P2RY14: variants seen among roughly 807,000 people sequenced by gnomAD.
The protein encoded by P2RY14 is purinergic receptor P2Y14.
A neutral mutation model predicts 0.9 loss-of-function variants in P2RY14; 2 were observed. The observed-to-expected ratio is 2.16, with a 90% CI of 0.88 to 6.79. The LOEUF (loss-of-function observed/expected upper bound fraction) is 6.79, where lower values mean the gene tolerates loss of function less well. Among genes scored for constraint, P2RY14 ranks in the 30% most tolerant of loss-of-function variants. The pLI is 0.05. For missense variants in P2RY14, 378 were observed against 400.1 expected (o/e 0.94, Z 0.47); for synonymous variants, 158 against 147.2 (o/e 1.07, Z -0.53).
chr3:151,221,498 G>A (rs560788442), intron 1 of P2RY14, among the ~76,000 whole-genome samples: 1 of 152,302 alleles, frequency 6.6e-6, no homozygotes, highest in South Asian at 2.1e-4. Context: ...CCCAGCCCAG[G>A]GTCTCTGTGC....
At chr3:151,269,146 A>G (rs1167817316) in intron 1 of P2RY14, among the ~76,000 whole-genome samples, 1 of 152,200 alleles carries the variant, frequency 6.6e-6, no homozygotes. Context: ...GCGGTGGCTT[A>G]TGCCTATACT....
Position 151,213,358 on chromosome 3 carries a change from A to T in P2RY14, c.959T>A (p.Leu320Gln), listed in dbSNP as rs115868899. The stretch of plus-strand genomic sequence containing the variant: ...TCCTCTTTTGATTCTGGAAATGTCT[A>T]GGTCATTCTGAGCTTTTAATGGAAT... Reference protein sequence around the residue: ...LHIPLKAQNDLDISRIKRGNT... With the variant: ...LHIPLKAQNDQDISRIKRGNT... The change falls in exon 3 of 3, where the codon CTA (leucine) becomes CAA (glutamine). Residue 320 changes from leucine to glutamine, a missense_variant. Leu to Gln is a moderately radical substitution (Grantham distance 113). Transcript: ENST00000309170. 2.5e-6 allele frequency: 4 copies of T among 1,613,808 alleles called. No homozygotes were observed. The South Asian group carries it at 4.4e-5, about 18-fold the overall frequency.
At chr3:151,253,375 A>G (rs995966529) in intron 1 of P2RY14, among the ~76,000 whole-genome samples, 2 of 152,378 alleles carry the variant, frequency 1.3e-5, no homozygotes, top group Non-Finnish European at 1.5e-5. Context: ...CAACAGCAGC[A>G]TAAGATACAC....
chr3:151,216,106 A>C (rs1320397021), intron 2 of P2RY14, among the ~76,000 whole-genome samples: 1 of 152,202 alleles, frequency 6.6e-6, no homozygotes, highest in Non-Finnish European at 1.5e-5. Flanking sequence ...CTCTTCCACT[A>C]CTACAAGCTC....
chr3:151,229,775 T>C (rs1284900421), intron 1 of P2RY14, among the ~76,000 whole-genome samples: 1 of 151,818 alleles, frequency 6.6e-6, no homozygotes, highest in Non-Finnish European at 1.5e-5. Flanking sequence ...AACTGAGCAA[T>C]TCTTAAACGA....
intron 1 of P2RY14, among the ~76,000 whole-genome samples, chr3:151,228,110 A>G (rs1256578512): frequency 6.6e-6 from 1 of 152,164 alleles, no homozygotes; most frequent in Admixed American, 6.5e-5. Context: ...TCTGTATGCT[A>G]AGGTCTAGGA....
Position 151,219,944 on chromosome 3 carries a change from A to C in P2RY14, c.-132-302T>G, listed in dbSNP as rs185578365. Reference sequence around the variant, plus strand: ...ATCGAATCAATTTATCAAATGACTGAATATAACAATTCATCTTAGCCATGA... The same window carrying C: ...ATCGAATCAATTTATCAAATGACTGCATATAACAATTCATCTTAGCCATGA... On this transcript the variant is annotated intron_variant, in intron 1 of 2. Transcript: ENST00000309170. 9.6e-5 allele frequency among the ~76,000 whole-genome samples: 13 copies of C among 136,106 alleles called. No individual in the cohort carries two copies. The East Asian group carries it at 3.2e-3, about 34-fold the overall frequency. 89.3% of individuals were successfully genotyped at this position (136,106 alleles called of 152,430 possible). A position where few individuals can be genotyped will look rare whatever the true frequency, so the allele number is the denominator to read the frequency against.
At chr3:151,254,162 A>G (rs1334273825) in intron 1 of P2RY14, among the ~76,000 whole-genome samples, 6 of 152,160 alleles carry the variant, frequency 3.9e-5, no homozygotes, top group African/African-American at 1.4e-4. Flanking sequence ...ATTTTTAGGT[A>G]TTAGTGCCTG....
At chr3:151,262,275 C>T (rs374058519) in intron 1 of P2RY14, among the ~76,000 whole-genome samples, 3 of 152,202 alleles carry the variant, frequency 2.0e-5, no homozygotes, top group Non-Finnish European at 4.4e-5. Context: ...TTAAGTCACA[C>T]TAGTGATAGT....
chr3:151,271,684 G>A (rs981267874), intron 1 of P2RY14, among the ~76,000 whole-genome samples: 5 of 152,142 alleles, frequency 3.3e-5, no homozygotes, highest in South Asian at 2.1e-4. Context: ...AGGATGATGC[G>A]GGCCCACAAT....
chr3:151,264,839 CTCT>C (rs1221156258), intron 1 of P2RY14, among the ~76,000 whole-genome samples: 1 of 152,174 alleles, frequency 6.6e-6, no homozygotes, highest in Non-Finnish European at 1.5e-5. Flanking sequence ...GCCTGCATGG[CTCT>C]ACATGACCAG....
intron 1 of P2RY14, among the ~76,000 whole-genome samples, chr3:151,263,076 TAGG>T (rs1739199889): frequency 1.3e-5 from 2 of 152,060 alleles, no homozygotes; most frequent in Non-Finnish European, 2.9e-5. Flanking sequence ...GAGACCCATG[TAGG>T]AGTACATGGG....
At chr3:151,242,106 C>A (rs932956829) in intron 1 of P2RY14, among the ~76,000 whole-genome samples, 1 of 152,242 alleles carries the variant, frequency 6.6e-6, no homozygotes, top group African/African-American at 2.4e-5. Flanking sequence ...TATCCCGCAC[C>A]TGGCTCGGAG....
intron 1 of P2RY14, among the ~76,000 whole-genome samples, chr3:151,241,396 A>AT (rs1160191447): frequency 6.6e-6 from 1 of 152,056 alleles, no homozygotes; most frequent in African/African-American, 2.4e-5. Context: ...TTTACTCTTG[A>AT]TTTTTTTCTC....
chr3:151,246,148 A>G (rs969212576), intron 1 of P2RY14, among the ~76,000 whole-genome samples: 2 of 152,228 alleles, frequency 1.3e-5, no homozygotes, highest in African/African-American at 2.4e-5. Context: ...AGAACATTCC[A>G]TGCTCATGGG....
intron 1 of P2RY14, among the ~76,000 whole-genome samples, chr3:151,221,007 A>G (rs1376721931): frequency 6.6e-6 from 1 of 152,204 alleles, no homozygotes; most frequent in Non-Finnish European, 1.5e-5. Context: ...TGATAGTGAT[A>G]TGGACGATAA....
At chr3:151,233,150 C>A (rs1234409171) in intron 1 of P2RY14, among the ~76,000 whole-genome samples, 1 of 152,122 alleles carries the variant, frequency 6.6e-6, no homozygotes. Flanking sequence ...CTAGTTTCTG[C>A]AGATCTGGGT....
chr3:151,248,369 A>C (rs1463238714), intron 1 of P2RY14, among the ~76,000 whole-genome samples: 1 of 152,158 alleles, frequency 6.6e-6, no homozygotes, highest in Non-Finnish European at 1.5e-5. Flanking sequence ...CCTTGCATGA[A>C]GTATTTCACC....
intron 1 of P2RY14, among the ~76,000 whole-genome samples, chr3:151,267,723 C>T (rs1270757976): frequency 5.3e-5 from 8 of 151,970 alleles, no homozygotes; most frequent in African/African-American, 1.9e-4. Flanking sequence ...CTGTGAATTA[C>T]TGTTTTATGG....
Sources: gnomAD v4.1 joint callset for allele counts (sites outside exome capture counted in the v4.1 genomes callset) on GRCh38, gnomAD v4.1.1 for gene constraint, MANE v1.5 for transcripts, NCBI Gene and HGNC (gene_info 2026-07-23, HGNC 2026-07-21) for gene names.